Variants in PDZRN3 observed in about 807,000 individuals in gnomAD.
PDZRN3 encodes PDZ domain containing ring finger 3, also known as E3 ubiquitin-protein ligase PDZRN3.
In PDZRN3, 38 loss-of-function variants were observed where a neutral mutation model predicts 85.7. The observed-to-expected ratio is 0.44, with a 90% confidence interval of 0.34 to 0.58. The LOEUF is 0.58. PDZRN3 is among the 20% of genes least tolerant of loss of function. PDZRN3 has a pLI of 0.01. For synonymous variants in PDZRN3, 759 were observed against 638.0 expected (o/e 1.19, Z -2.86); for missense variants, 1,629 against 1,506.4 (o/e 1.08, Z -1.35).
At chr3:73,411,541 G>A (rs959284904) in intron 3 of PDZRN3, among the ~76,000 whole-genome samples, 1 of 152,140 alleles carries the variant, frequency 6.6e-6, no homozygotes, top group African/African-American at 2.4e-5. Context: ...TCTAAATCAC[G>A]CAGAAGTGCT....
intron 3 of PDZRN3, among the ~76,000 whole-genome samples, chr3:73,505,764 G>GT (rs199857289): frequency 7.9e-5 from 12 of 151,986 alleles, no homozygotes; most frequent in South Asian, 4.2e-4. Context: ...ATGTCCTCTT[G>GT]TTTTTTTAAA....
intron 3 of PDZRN3, among the ~76,000 whole-genome samples, chr3:73,577,026 T>G (rs1036354265): frequency 6.6e-6 from 1 of 152,254 alleles, no homozygotes. Context: ...TGTGATGTTT[T>G]GGGACATGAC....
chr3:73,598,736 A>G (rs74499358), intron 3 of PDZRN3, among the ~76,000 whole-genome samples: 22,276 of 152,160 alleles, frequency 0.15, 1,709 homozygotes, highest in African/African-American at 0.18. Context: ...GGGAGCACTC[A>G]TGTAGGGAAC....
chr3:73,551,306 A>G (rs781467247), intron 3 of PDZRN3, among the ~76,000 whole-genome samples: 1 of 152,250 alleles, frequency 6.6e-6, no homozygotes, highest in Non-Finnish European at 1.5e-5. Flanking sequence ...GGGAACCAAG[A>G]AAAGTCAATG....
chr3:73,491,904 G>T (rs1444409526), intron 3 of PDZRN3, among the ~76,000 whole-genome samples: 9 of 152,046 alleles, frequency 5.9e-5, no homozygotes, highest in Non-Finnish European at 2.9e-5. Flanking sequence ...AAGCCAGAAG[G>T]TTCTTGATTG....
chr3:73,624,677 C>A lies in PDZRN3; in HGVS notation c.149G>T (p.Gly50Val). Reference sequence around the variant, plus strand: ...ACCGCGGCAGCGCGCCGGGCAGCTGCCCTCCTGCACCACCCAGGGCAGCAC... The same window carrying A: ...ACCGCGGCAGCGCGCCGGGCAGCTGACCTCCTGCACCACCCAGGGCAGCAC... ...GCVLPWVVQE[G>V]SCPARCRGRL... Residue 50 changes from glycine (G) to valine (V), a missense_variant, in exon 1 of 10, where the codon GGC becomes GTC. Coordinates refer to ENST00000263666, the MANE Select transcript of PDZRN3 (RefSeq NM_015009.3). The A allele has an allele frequency of 6.6e-7, 1 of 1,525,864 alleles. No individual in the cohort carries two copies. Among genetic ancestry groups the A allele is most frequent in the Non-Finnish European group, 8.8e-7 (1 of 1,142,274 alleles). The allele number at this position is 1,525,864 out of a possible 1,614,324, so 94.5% of individuals were successfully genotyped here.
intron 3 of PDZRN3, among the ~76,000 whole-genome samples, chr3:73,419,666 G>A (rs978852873): frequency 6.6e-6 from 1 of 151,972 alleles, no homozygotes; most frequent in Admixed American, 6.6e-5. Flanking sequence ...CTTTGACCTC[G>A]TTTCATCGTG....
At chr3:73,525,921 TG>T (rs1704511706) in intron 3 of PDZRN3, among the ~76,000 whole-genome samples, 1 of 152,220 alleles carries the variant, frequency 6.6e-6, no homozygotes, top group Non-Finnish European at 1.5e-5. Context: ...CTTTCCCCAC[TG>T]GACTGTGAGC....
At chr3:73,427,362 G>A (rs1702337010) in intron 3 of PDZRN3, among the ~76,000 whole-genome samples, 1 of 152,178 alleles carries the variant, frequency 6.6e-6, no homozygotes, top group Admixed American at 6.6e-5. Flanking sequence ...ACTGGTCGGA[G>A]AATGCAGGAT....
chr3:73,464,623 C>T lies in PDZRN3; in HGVS notation c.919-60228G>A, dbSNP rs144643617. Among the ~76,000 whole-genome samples, 235 of 152,020 alleles carry T rather than the reference C, an allele frequency of 1.5e-3. 1 individual carries two copies. Among genetic ancestry groups the T allele is most frequent in the Non-Finnish European group, 2.9e-3 (195 of 67,982 alleles). On this transcript the variant is annotated intron_variant, in intron 3 of 9. Transcript: ENST00000263666. Reference sequence around the variant, plus strand: ...ATATTGGCTAGAATCCCCAGTACAACGTTGAATCATTATTAAAACAAAGAT... The same window carrying T: ...ATATTGGCTAGAATCCCCAGTACAATGTTGAATCATTATTAAAACAAAGAT...
At chr3:73,568,961 T>C (rs1701999002) in intron 3 of PDZRN3, among the ~76,000 whole-genome samples, 1 of 152,214 alleles carries the variant, frequency 6.6e-6, no homozygotes, top group South Asian at 2.1e-4. Flanking sequence ...ACTGAAATGA[T>C]AGAGCCTTGC....
chr3:73,427,897 C>T (rs918896263), intron 3 of PDZRN3, among the ~76,000 whole-genome samples: 4 of 152,302 alleles, frequency 2.6e-5, no homozygotes, highest in Middle Eastern at 3.4e-3. Flanking sequence ...CAACAAAATA[C>T]AGGAGCGGTG....
intron 3 of PDZRN3, among the ~76,000 whole-genome samples, chr3:73,532,755 T>C (rs1315769261): frequency 6.6e-6 from 1 of 152,158 alleles, no homozygotes; most frequent in Non-Finnish European, 1.5e-5. Context: ...GGAGAATAAG[T>C]GAAGAGGCAT....
chr3:73,614,024 C>G (rs1375730429), intron 1 of PDZRN3, among the ~76,000 whole-genome samples: 1 of 152,114 alleles, frequency 6.6e-6, no homozygotes, highest in Non-Finnish European at 1.5e-5. Context: ...AAGTCACAAG[C>G]AGAAATGCAA....
At chr3:73,437,498 G>C (rs1424192665) in intron 3 of PDZRN3, among the ~76,000 whole-genome samples, 1 of 152,160 alleles carries the variant, frequency 6.6e-6, no homozygotes, top group Non-Finnish European at 1.5e-5. Context: ...GGGGTGCCCG[G>C]GCCTCACTTT....
chr3:73,420,473 C>A (rs1194193836), intron 3 of PDZRN3, among the ~76,000 whole-genome samples: 1 of 152,184 alleles, frequency 6.6e-6, no homozygotes. Context: ...TGAGAATTTT[C>A]CCTAAAAGTA....
In PDZRN3 at chr3:73,624,665, G is replaced by A; in HGVS notation, c.161C>T (p.Ala54Val). The stretch of plus-strand genomic sequence containing the variant: ...GGCCGACAGGCGACCGCGGCAGCGC[G>A]CCGGGCAGCTGCCCTCCTGCACCAC... ...PWVVQEGSCPARCRGRLSAKE... is the reference protein window; with the variant it reads ...PWVVQEGSCPVRCRGRLSAKE... The change falls in exon 1 of 10, where the codon GCG becomes GTG. Residue 54 changes from alanine to valine, a missense_variant. Ala to Val is a moderately conservative substitution (Grantham distance 64). Coordinates refer to ENST00000263666, the MANE Select transcript of PDZRN3 (RefSeq NM_015009.3). 6.6e-7 allele frequency: 1 copy of A among 1,525,436 alleles called. No homozygotes were observed. Among genetic ancestry groups the A allele is most frequent in the Admixed American group, 2.1e-5 (1 of 48,308 alleles). 94.5% of individuals were successfully genotyped at this position (1,525,436 alleles called of 1,614,324 possible).
At chr3:73,584,454 T>TGG (rs1702248448) in intron 3 of PDZRN3, among the ~76,000 whole-genome samples, 1 of 8,686 alleles carries the variant, frequency 1.2e-4, no homozygotes, top group Non-Finnish European at 1.8e-4. Context: ...CATTTAATGG[T>TGG]GTGTGTGTGT....
At chr3:73,559,591 ATGT>A (rs1194897828) in intron 3 of PDZRN3, among the ~76,000 whole-genome samples, 1 of 152,198 alleles carries the variant, frequency 6.6e-6, no homozygotes, top group Non-Finnish European at 1.5e-5. Flanking sequence ...TGATTTGAAG[ATGT>A]TGTTTTTCAC....
Sources: allele counts gnomAD v4.1 joint callset (sites outside exome capture counted in the v4.1 genomes callset), GRCh38; gene constraint gnomAD v4.1.1; transcripts MANE v1.5; gene names NCBI Gene and HGNC (gene_info 2026-07-23, HGNC 2026-07-21).